MINDY4: variants seen among roughly 807,000 people sequenced by gnomAD.
MINDY4 encodes the protein probable ubiquitin carboxyl-terminal hydrolase MINDY-4.
A neutral mutation model predicts 87.0 loss-of-function variants in MINDY4; 68 were observed. The observed-to-expected ratio is 0.78, with a 90% CI of 0.64 to 0.96. The LOEUF (loss-of-function observed/expected upper bound fraction) is 0.96, where lower values mean the gene tolerates loss of function less well. MINDY4 is among the 40% of genes least tolerant of loss of function. MINDY4 has a pLI of 0.00. For missense variants in MINDY4, 919 were observed against 928.2 expected, an observed-to-expected ratio of 0.99 and a Z score of 0.13; for synonymous variants, 379 against 363.2, an observed-to-expected ratio of 1.04 and a Z score of -0.50.
chr7:30,791,759 A>G (rs1404330653), intron 5 of MINDY4, among the ~76,000 whole-genome samples, 185 bp downstream of exon 5: 2 of 152,220 alleles, frequency 1.3e-5, no homozygotes, highest in Non-Finnish European at 2.9e-5. Flanking sequence ...GCCAGAGCTC[A>G]CACACCTGGA....
chr7:30,772,478 C>G (rs914867843), intron 1 of MINDY4, among the ~76,000 whole-genome samples: 1 of 152,112 alleles, frequency 6.6e-6, no homozygotes, highest in African/African-American at 2.4e-5. Context: ...AAAGTAAGAC[C>G]TACTCTTTGC....
At position 30,859,263 on chromosome 7, in the gene MINDY4, G is replaced by C; in HGVS notation, c.1684G>C (p.Val562Leu). Residue 562 changes from valine (V) to leucine (L), a missense_variant, in exon 13 of 18, where the codon GTG becomes CTG. Val to Leu is a conservative substitution (Grantham distance 32). Coordinates refer to ENST00000265299, the MANE Select transcript of MINDY4 (RefSeq NM_032222.3). Reference sequence around the variant, plus strand: ...TTTTCTCTCCCCCTCCCAGTTTGAAGTGGGCCCCTATGGCTGCATCCTGCT... The same window carrying C: ...TTTTCTCTCCCCCTCCCAGTTTGAACTGGGCCCCTATGGCTGCATCCTGCT... ...FLQQSIHQFEVGPYGCILLTL... is the reference protein window; with the variant it reads ...FLQQSIHQFELGPYGCILLTL... The C allele has an allele frequency of 1.2e-6, 2 of 1,614,162 alleles. No individual in the cohort carries two copies. Among genetic ancestry groups the C allele is most frequent in the Non-Finnish European group, 1.7e-6 (2 of 1,180,002 alleles).
chr7:30,829,032 C>G (rs1020463184), intron 6 of MINDY4, among the ~76,000 whole-genome samples: 4 of 152,206 alleles, frequency 2.6e-5, no homozygotes, highest in Non-Finnish European at 4.4e-5. Flanking sequence ...GTAATGGCCT[C>G]TTAGTAAGTT....
chr7:30,802,418 T>G lies in MINDY4; in HGVS notation c.1073+10844T>G, dbSNP rs537852610. ...GGTTAGCAGAGTTTGGCTGCTTTCT[T>G]TTGTTCCTTCAGTATCTTGGACAAC... On this transcript the variant is annotated intron_variant, in intron 5 of 17. Coordinates refer to ENST00000265299, the MANE Select transcript of MINDY4 (RefSeq NM_032222.3). Among the ~76,000 whole-genome samples the G allele has an allele frequency of 3.3e-5, 5 of 152,254 alleles. No homozygotes were observed. In the East Asian group the frequency reaches 9.7e-4, roughly 29 times the overall value.
chr7:30,868,313 C>T (rs1009590532), intron 13 of MINDY4, among the ~76,000 whole-genome samples: 2 of 152,330 alleles, frequency 1.3e-5, no homozygotes, highest in Non-Finnish European at 2.9e-5. Context: ...GTCCTGCCTA[C>T]TCTGTGTGAC....
chr7:30,853,204 C>T (rs140899016), intron 11 of MINDY4, among the ~76,000 whole-genome samples, 190 bp from the exon 12 acceptor site: 365 of 152,334 alleles, frequency 2.4e-3, no homozygotes, highest in African/African-American at 8.2e-3. Flanking sequence ...CCAGCGGTAC[C>T]GGCCAGCCTT....
rs1241042779 is a variant in MINDY4, at chr7:30,859,250, C to A, written c.1678-7C>A. ...GGATGGAGCTCATTTTTCTCTCCCC[C>A]TCCCAGTTTGAAGTGGGCCCCTATG... is the stretch of plus-strand genomic sequence containing the variant. On this transcript the variant is annotated splice_polypyrimidine_tract_variant and splice_region_variant and intron_variant, in intron 12 of 17. Coordinates refer to ENST00000265299, the MANE Select transcript of MINDY4 (RefSeq NM_032222.3). 3 of 1,613,744 alleles carry A rather than the reference C, an allele frequency of 1.9e-6. No homozygotes were observed. The highest frequency in any genetic ancestry group is 2.2e-5 in the East Asian group (1 of 44,882).
intron 13 of MINDY4, among the ~76,000 whole-genome samples, chr7:30,861,294 G>A (rs891757411): frequency 6.6e-6 from 1 of 152,222 alleles, no homozygotes; most frequent in African/African-American, 2.4e-5. Context: ...CCAGCGGTAA[G>A]GATAGCGTCT....
intron 15 of MINDY4, among the ~76,000 whole-genome samples, chr7:30,877,457 T>G (rs1212364807): frequency 1.3e-5 from 2 of 152,210 alleles, no homozygotes; most frequent in African/African-American, 4.8e-5. Context: ...ATAGACCCTC[T>G]GCTGTTCTGT....
intron 9 of MINDY4, among the ~76,000 whole-genome samples, chr7:30,849,087 CA>C (rs1424635245): frequency 6.6e-6 from 1 of 152,198 alleles, no homozygotes; most frequent in African/African-American, 2.4e-5. Flanking sequence ...TGGACCACAG[CA>C]GCCTAGGTGT....
chr7:30,818,894 A>C (rs1034696685), intron 5 of MINDY4, among the ~76,000 whole-genome samples: 1 of 152,126 alleles, frequency 6.6e-6, no homozygotes, highest in Admixed American at 6.5e-5. Context: ...TCTTACTGAA[A>C]AGCTCCTATT....
intron 14 of MINDY4, among the ~76,000 whole-genome samples, chr7:30,874,171 C>A (rs569267618): frequency 3.3e-5 from 5 of 152,266 alleles, no homozygotes; most frequent in Non-Finnish European, 7.3e-5. Flanking sequence ...ACAGGCAGCG[C>A]CAGCTGTGGC....
chr7:30,846,243 C>T (rs1199042170), intron 9 of MINDY4, among the ~76,000 whole-genome samples: 1 of 152,166 alleles, frequency 6.6e-6, no homozygotes, highest in Non-Finnish European at 1.5e-5. Context: ...ACAGGGAGCT[C>T]CCCCAAATTA....
chr7:30,848,280 C>G lies in MINDY4; in HGVS notation c.1446-2174C>G, dbSNP rs368114540. On this transcript the variant is annotated intron_variant, in intron 9 of 17. Coordinates refer to ENST00000265299, the MANE Select transcript of MINDY4 (RefSeq NM_032222.3). Reference sequence around the variant, plus strand: ...GGAAGACACGCCCCCACCCCCACCCCATGTGTATGTGCAATGGTGATTGGA... The same window carrying G: ...GGAAGACACGCCCCCACCCCCACCCGATGTGTATGTGCAATGGTGATTGGA... Among the ~76,000 whole-genome samples the G allele has an allele frequency of 7.1e-4, 108 of 152,316 alleles. 2 individuals are homozygous for G. The highest frequency in any genetic ancestry group is 2.5e-3 in the African/African-American group (104 of 41,566).
At chr7:30,872,831 C>T (rs1042292261) in intron 14 of MINDY4, among the ~76,000 whole-genome samples, 3 of 152,242 alleles carry the variant, frequency 2.0e-5, no homozygotes, top group African/African-American at 7.2e-5. Flanking sequence ...ACCCAGGTGA[C>T]ACCAGGGAAG....
intron 5 of MINDY4, among the ~76,000 whole-genome samples, chr7:30,816,267 T>C (rs149661279): frequency 6.0e-5 from 9 of 150,126 alleles, no homozygotes; most frequent in African/African-American, 2.2e-4. Context: ...GCAAACTGTA[T>C]GCCCTTGAAG....
chr7:30,891,215 C>T lies in MINDY4; in HGVS notation c.2226-742C>T, dbSNP rs535715581. On this transcript the variant is annotated intron_variant, in intron 17 of 17. Transcript: ENST00000265299. ...ATAATATACCTAGTGCCAGATTTTA[C>T]GTAAACACTCCATCTGCTATAAATT... 5.6e-4 allele frequency among the ~76,000 whole-genome samples: 86 copies of T among 152,240 alleles called. 2 individuals are homozygous for T. Among genetic ancestry groups the T allele is most frequent in the South Asian group, 4.1e-4 (2 of 4,830 alleles).
chr7:30,774,581 G>A (rs755777043), intron 1 of MINDY4, among the ~76,000 whole-genome samples: 2 of 151,948 alleles, frequency 1.3e-5, no homozygotes, highest in Non-Finnish European at 2.9e-5. Flanking sequence ...CTGCTTTCTC[G>A]AACCCATTTT....
chr7:30,779,816 C>T (rs1202857293), intron 2 of MINDY4: 2 of 152,218 alleles, frequency 1.3e-5, no homozygotes, highest in Non-Finnish European at 2.9e-5. Flanking sequence ...AATGAGACTT[C>T]AGCAGATTGG....
Sources: allele counts gnomAD v4.1 joint callset (sites outside exome capture counted in the v4.1 genomes callset), GRCh38; gene constraint gnomAD v4.1.1; transcripts MANE v1.5; gene names NCBI Gene and HGNC (gene_info 2026-07-23, HGNC 2026-07-21).